The following AFF2 variants were observed in gnomAD, a reference collection of about 807,000 sequenced individuals.
AFF2 encodes AF4/FMR2 family member 2.
Under a neutral mutation model 76.9 loss-of-function variants are expected in AFF2, and 14 were observed. That is an observed-to-expected ratio of 0.18 (90% CI 0.12 to 0.28). The LOEUF is 0.28. Ranked by LOEUF, AFF2 falls within the 10% of genes least tolerant of loss-of-function variation. AFF2 has a pLI of 1.00. For synonymous variants in AFF2, 398 were observed against 366.7 expected (o/e 1.09, Z -0.98); for missense variants, 868 against 1,001.1 (o/e 0.87, Z 1.79).
rs1488237250 is a variant in AFF2, at chrX:148,538,207, A to G, written c.47+37063A>G. Among the ~76,000 whole-genome samples the G allele has an allele frequency of 1.2e-4, 13 of 112,844 alleles. No homozygotes were observed. The Admixed American group carries it at 1.2e-3, about 11-fold the overall frequency. On this transcript the variant is annotated intron_variant, in intron 1 of 20. Coordinates refer to ENST00000370460, the MANE Select transcript of AFF2 (RefSeq NM_002025.4). ...ATCAAGCAAAATTATGAGGACATGT[A>G]TTGGATGTTTCCCTGTGTGTAAGGC...
At chrX:148,899,402 T>G in intron 8 of AFF2, among the ~76,000 whole-genome samples, 1 of 112,097 alleles carries the variant, frequency 8.9e-6, no homozygotes, top group Middle Eastern at 4.6e-3. Flanking sequence ...GTTTCTCTTC[T>G]GAACTTAAGC....
intron 1 of AFF2, among the ~76,000 whole-genome samples, chrX:148,581,701 C>A (rs1174275244): frequency 2.5e-4 from 28 of 111,817 alleles, no homozygotes; most frequent in Non-Finnish European, 1.9e-5. Flanking sequence ...TATGTATACA[C>A]AAATACACTT....
chrX:148,924,309 G>C (rs1205217622), intron 9 of AFF2, among the ~76,000 whole-genome samples: 1 of 111,898 alleles, frequency 8.9e-6, no homozygotes, highest in Non-Finnish European at 1.9e-5. Context: ...GAGATAGTGA[G>C]ATTTGTAGAA....
chrX:148,649,729 C>G (rs939788249), intron 1 of AFF2, among the ~76,000 whole-genome samples: 31 of 112,080 alleles, frequency 2.8e-4, no homozygotes, highest in African/African-American at 1.0e-3. Flanking sequence ...GGTTGTCATG[C>G]AAGCTGAAGC....
At chrX:148,725,354 C>T (rs936203432) in intron 3 of AFF2, among the ~76,000 whole-genome samples, 8 of 110,930 alleles carry the variant, frequency 7.2e-5, no homozygotes, top group African/African-American at 2.3e-4. Flanking sequence ...CTGGGATCCT[C>T]TTACCAGGAT....
At chrX:148,730,792 G>A (rs1270252471) in intron 3 of AFF2, among the ~76,000 whole-genome samples, 1 of 112,371 alleles carries the variant, frequency 8.9e-6, no homozygotes, top group Non-Finnish European at 1.9e-5. Context: ...GGAAATTCAG[G>A]CAAGTGAGAA....
chrX:148,785,133 G>T (rs1557269399), intron 3 of AFF2, among the ~76,000 whole-genome samples: 1 of 112,380 alleles, frequency 8.9e-6, no homozygotes, highest in African/African-American at 3.2e-5. Flanking sequence ...GCATGCGCAT[G>T]CACATATACA....
chrX:148,517,003 A>G (rs2052542976), intron 1 of AFF2, among the ~76,000 whole-genome samples: 2 of 111,791 alleles, frequency 1.8e-5, no homozygotes, highest in Admixed American at 9.5e-5. Context: ...GTGAAATCTT[A>G]AGTATAGTGC....
chrX:148,581,276 ACACG>A (rs2053382555), intron 1 of AFF2, among the ~76,000 whole-genome samples: 1 of 680 alleles, frequency 1.5e-3, no homozygotes, highest in Non-Finnish European at 3.5e-3. Flanking sequence ...ACACACATAT[ACACG>A]TATATACGTA....
In AFF2 at chrX:148,722,898, A is replaced by G. The variant is rs190068246; in HGVS notation, c.1041+60130A>G. 2.0e-3 allele frequency among the ~76,000 whole-genome samples: 216 copies of G among 110,243 alleles called. 1 individual carries two copies. The highest frequency in any genetic ancestry group is 6.8e-3 in the African/African-American group (206 of 30,309). Reference sequence around the variant, plus strand: ...CTTTCTCTCCCTTTACCATCTTGCTAGCTCTTTCTCAAGTCTTCACCACTC... The same window carrying G: ...CTTTCTCTCCCTTTACCATCTTGCTGGCTCTTTCTCAAGTCTTCACCACTC... On this transcript the variant is annotated intron_variant, in intron 3 of 20. Coordinates refer to ENST00000370460, the MANE Select transcript of AFF2 (RefSeq NM_002025.4).
At chrX:148,558,042 A>T (rs1207955993) in intron 1 of AFF2, among the ~76,000 whole-genome samples, 2 of 112,009 alleles carry the variant, frequency 1.8e-5, no homozygotes, top group East Asian at 5.6e-4. Flanking sequence ...TACATTTGAT[A>T]AACACATGCA....
chrX:148,576,462 G>A (rs1403743475), intron 1 of AFF2, among the ~76,000 whole-genome samples: 1 of 111,583 alleles, frequency 9.0e-6, no homozygotes, highest in African/African-American at 3.3e-5. Flanking sequence ...ATGCTATCAG[G>A]ATGATGTCAG....
chrX:148,809,748 C>A lies in AFF2; in HGVS notation c.1042-128C>A, dbSNP rs782754898. The A allele has an allele frequency of 1.0e-3, 669 of 638,441 alleles. 1 individual carries two copies. Among genetic ancestry groups the A allele is most frequent in the Middle Eastern group, 2.9e-3 (8 of 2,726 alleles). 52.6% of individuals were successfully genotyped at this position (638,441 alleles called of 1,213,427 possible). Reference sequence around the variant, plus strand: ...ACAAAATTAGTCATTTGCAGATATTCTTTTGTATTTAATAGGAAAAAAATG... The same window carrying A: ...ACAAAATTAGTCATTTGCAGATATTATTTTGTATTTAATAGGAAAAAAATG... On this transcript the variant is annotated intron_variant, in intron 3 of 20. Transcript: ENST00000370460.
At chrX:148,563,732 T>C (rs1388017387) in intron 1 of AFF2, among the ~76,000 whole-genome samples, 1 of 112,229 alleles carries the variant, frequency 8.9e-6, no homozygotes, top group East Asian at 2.8e-4. Flanking sequence ...CTCAAATGGT[T>C]GTCTTTTACT....
At position 148,904,508 on chromosome X, in the gene AFF2, A is replaced by G. The variant is rs1557281234; in HGVS notation, c.1397+250A>G. 9 of 311,426 alleles carry G rather than the reference A, an allele frequency of 2.9e-5. No homozygotes were observed. In the East Asian group the frequency reaches 5.4e-4, roughly 19 times the overall value. 25.7% of individuals were successfully genotyped at this position (311,426 alleles called of 1,213,427 possible). On this transcript the variant is annotated intron_variant, in intron 9 of 20. Transcript: ENST00000370460. ...CATAAATTAATATGTGCAATCCATG[A>G]ATAGCTGCCAAATACGATTATAATC...
intron 7 of AFF2, among the ~76,000 whole-genome samples, chrX:148,849,508 G>C (rs1603312265): frequency 9.3e-6 from 1 of 108,033 alleles, no homozygotes; most frequent in East Asian, 2.9e-4. Context: ...CTACATGTAA[G>C]GTTCTGGGCT....
chrX:148,657,010 T>A (rs1306799822), intron 2 of AFF2, among the ~76,000 whole-genome samples: 1 of 111,942 alleles, frequency 8.9e-6, no homozygotes, highest in Admixed American at 9.5e-5. Flanking sequence ...ATAGGTTTTC[T>A]TTTTCCTTTC....
chrX:148,552,001 G>A (rs1005779361), intron 1 of AFF2, among the ~76,000 whole-genome samples: 4 of 112,207 alleles, frequency 3.6e-5, no homozygotes, highest in Non-Finnish European at 7.5e-5. Context: ...TTTCCTGGTT[G>A]GAAATATTTT....
intron 1 of AFF2, among the ~76,000 whole-genome samples, chrX:148,526,569 T>C (rs941115954): frequency 3.6e-5 from 4 of 110,154 alleles, no homozygotes; most frequent in African/African-American, 1.3e-4. Context: ...TATTGGAAAA[T>C]GGTACTTATA....
Sources: allele counts gnomAD v4.1 joint callset (sites outside exome capture counted in the v4.1 genomes callset), GRCh38; gene constraint gnomAD v4.1.1; transcripts MANE v1.5; gene names NCBI Gene and HGNC (gene_info 2026-07-23, HGNC 2026-07-21).